Variants in LRRC53 observed in about 807,000 individuals in gnomAD.
The protein encoded by LRRC53 is leucine-rich repeat-containing protein 53.
LRRC53 carries 25 observed loss-of-function variants against 13.6 expected under a neutral mutation model. The observed-to-expected ratio is 1.83, with a 90% confidence interval of 1.34 to 2.56. LRRC53 has a LOEUF of 2.56. Ranked by LOEUF, LRRC53 falls within the 30% of genes most tolerant of loss-of-function variation. The pLI is 0.00. For synonymous variants in LRRC53, 204 were observed against 109.8 expected, an observed-to-expected ratio of 1.86 and a Z score of -5.37; for missense variants, 527 against 275.8, an observed-to-expected ratio of 1.91 and a Z score of -6.45.
intron 4 of LRRC53, among the ~76,000 whole-genome samples, chr1:74,474,237 G>A (rs1224539568): frequency 6.6e-6 from 1 of 152,106 alleles, no homozygotes; most frequent in Admixed American, 6.6e-5. Flanking sequence ...CCTAAGGTAT[G>A]ATTCTAATGA....
intron 1 of LRRC53, among the ~76,000 whole-genome samples, chr1:74,495,964 A>G (rs1319192583): frequency 6.6e-6 from 1 of 152,158 alleles, no homozygotes; most frequent in African/African-American, 2.4e-5. Flanking sequence ...ATAAAAATTG[A>G]TGGACTAAGT....
chr1:74,478,108 T>C (rs1199218271), intron 3 of LRRC53, among the ~76,000 whole-genome samples: 1 of 152,196 alleles, frequency 6.6e-6, no homozygotes, highest in Non-Finnish European at 1.5e-5. Context: ...ATTATAGTTC[T>C]AAGTGTTTTT....
chr1:74,484,792 A>T (rs1668669123), intron 1 of LRRC53, among the ~76,000 whole-genome samples: 5 of 152,140 alleles, frequency 3.3e-5, no homozygotes, highest in African/African-American at 7.2e-5. Context: ...AACCCAAATA[A>T]CATGGGAAGT....
At chr1:74,507,911 G>A (rs376466039) in intron 1 of LRRC53, among the ~76,000 whole-genome samples, 6 of 152,318 alleles carry the variant, frequency 3.9e-5, no homozygotes, top group African/African-American at 1.4e-4. Flanking sequence ...AACATTTGCA[G>A]AGTCCCTATA....
intron 1 of LRRC53, chr1:74,492,303 T>G: frequency 6.2e-6 from 9 of 1,447,146 alleles, no homozygotes; most frequent in African/African-American, 1.4e-5. Context: ...CAGTAAAGTC[T>G]TATTTCAGAA....
the LRRC53 span, among the ~76,000 whole-genome samples, chr1:74,526,175 G>C: frequency 6.6e-6 from 1 of 152,184 alleles, no homozygotes; most frequent in Non-Finnish European, 1.5e-5. Flanking sequence ...ATGCAGACTG[G>C]CTTGTCATAA....
At chr1:74,473,490 A>C (rs539786261) in intron 4 of LRRC53, among the ~76,000 whole-genome samples, 1 of 152,092 alleles carries the variant, frequency 6.6e-6, no homozygotes, top group East Asian at 1.9e-4. Flanking sequence ...AAACATCTTA[A>C]CCGCAAAAAA....
intron 1 of LRRC53, among the ~76,000 whole-genome samples, chr1:74,506,876 T>C (rs1441484830): frequency 1.3e-5 from 2 of 152,202 alleles, no homozygotes; most frequent in African/African-American, 4.8e-5. Flanking sequence ...AAAGATTCAC[T>C]GTCTTCTCGG....
chr1:74,518,381 T>G, the LRRC53 span, among the ~76,000 whole-genome samples: 1 of 152,152 alleles, frequency 6.6e-6, no homozygotes, highest in Non-Finnish European at 1.5e-5. Flanking sequence ...TTTATGAGAT[T>G]TCCACAGCAT....
At chr1:74,495,134 C>A (rs983081502) in intron 1 of LRRC53, among the ~76,000 whole-genome samples, 1 of 152,200 alleles carries the variant, frequency 6.6e-6, no homozygotes, top group Non-Finnish European at 1.5e-5. Flanking sequence ...CCCTTCCTGA[C>A]TGTTATGGAA....
chr1:74,516,953 T>A (rs1646357339), upstream of LRRC53, among the ~76,000 whole-genome samples: 1 of 152,148 alleles, frequency 6.6e-6, no homozygotes, highest in African/African-American at 2.4e-5. Context: ...TACAGAAGTC[T>A]AAAAGAAATA....
intron 2 of LRRC53, among the ~76,000 whole-genome samples, chr1:74,481,740 T>G (rs550286578): frequency 6.6e-6 from 1 of 152,204 alleles, no homozygotes; most frequent in Non-Finnish European, 1.5e-5. Context: ...TCAAAGCATT[T>G]TAACTCAATA....
intron 3 of LRRC53, among the ~76,000 whole-genome samples, chr1:74,477,683 T>C (rs1430317961): frequency 6.6e-6 from 1 of 152,184 alleles, no homozygotes; most frequent in African/African-American, 2.4e-5. Context: ...CTGCTCTTGA[T>C]ACTAGGTATA....
At chr1:74,486,233 G>GAGAGAGAGAGAGAGAGAGAGAGAGA (rs200856016) in intron 1 of LRRC53, among the ~76,000 whole-genome samples, 3 of 150,100 alleles carry the variant, frequency 2.0e-5, no homozygotes, top group African/African-American at 7.4e-5. Flanking sequence ...GAGAGAGAGA[G>GAGAGAGAGAGAGAGAGAGAGAGAGA]GTGGGAAATA....
intron 4 of LRRC53, among the ~76,000 whole-genome samples, chr1:74,473,499 A>T (rs938164298): frequency 2.6e-5 from 4 of 151,940 alleles, no homozygotes; most frequent in African/African-American, 9.7e-5. Flanking sequence ...AACCGCAAAA[A>T]ATCCTAACAG....
intron 1 of LRRC53, among the ~76,000 whole-genome samples, chr1:74,488,094 G>A (rs1359447514): frequency 6.6e-6 from 1 of 152,188 alleles, no homozygotes; most frequent in Non-Finnish European, 1.5e-5. Context: ...ACAAAGAGTA[G>A]TGTTAGAGAG....
the LRRC53 span, among the ~76,000 whole-genome samples, chr1:74,522,858 C>T: frequency 1.5e-4 from 23 of 152,214 alleles, no homozygotes; most frequent in Non-Finnish European, 3.4e-4. Flanking sequence ...CAAGATTAAA[C>T]TGTGAACACA....
At chr1:74,494,002 G>A (rs1669207656) in intron 1 of LRRC53, among the ~76,000 whole-genome samples, 2 of 152,278 alleles carry the variant, frequency 1.3e-5, no homozygotes, top group South Asian at 4.2e-4. Flanking sequence ...ACGGTTGTCA[G>A]GGGCCCCTGT....
chr1:74,479,180 A>G lies in LRRC53; in HGVS notation c.904+973T>C, dbSNP rs376524516. On this transcript the variant is annotated intron_variant, in intron 3 of 4. Transcript: ENST00000294635. Reference sequence around the variant, plus strand: ...TTTCTCTCCCCACCCCCTCATCACCATGGTTACCCACAGGTGCAGAGGATT... The same window carrying G: ...TTTCTCTCCCCACCCCCTCATCACCGTGGTTACCCACAGGTGCAGAGGATT... Among the ~76,000 whole-genome samples, 99 of 152,154 alleles carry G rather than the reference A, an allele frequency of 6.5e-4. 1 individual carries two copies. In the East Asian group the frequency reaches 0.019, roughly 28 times the overall value.
Sources: gnomAD v4.1 joint callset for allele counts (sites outside exome capture counted in the v4.1 genomes callset) on GRCh38, gnomAD v4.1.1 for gene constraint, MANE v1.5 for transcripts, NCBI Gene and HGNC (gene_info 2026-07-23, HGNC 2026-07-21) for gene names.